SMAP1: variants seen among roughly 807,000 people sequenced by gnomAD.
SMAP1 encodes stromal membrane-associated protein 1.
SMAP1 carries 24 observed loss-of-function variants against 58.5 expected under a neutral mutation model. The ratio of observed to expected loss-of-function variants is 0.41; its 90% CI spans 0.30 to 0.58. The LOEUF is 0.58. SMAP1 is among the 20% of genes least tolerant of loss of function. The probability of loss-of-function intolerance (pLI) is 0.29; values close to 1 mark genes in which losing one functional copy is unlikely to be tolerated. For missense variants in SMAP1, 563 were observed against 566.3 expected, an observed-to-expected ratio of 0.99 and a Z score of 0.06; for synonymous variants, 216 against 196.6, an observed-to-expected ratio of 1.10 and a Z score of -0.82.
chr6:70,780,242 T>C (rs1767707397), intron 4 of SMAP1, among the ~76,000 whole-genome samples: 1 of 152,160 alleles, frequency 6.6e-6, no homozygotes, highest in Non-Finnish European at 1.5e-5. Context: ...TTCTGCCTGA[T>C]TTCATTGAGT....
Position 70,793,644 on chromosome 6 carries a change from T to TAGAGAGAG in SMAP1, c.495+1897_495+1904dup, listed in dbSNP as rs70990334. Among the ~76,000 whole-genome samples the TAGAGAGAG allele has an allele frequency of 1.3e-3, 182 of 140,420 alleles. 2 individuals are homozygous for TAGAGAGAG. The highest frequency in any genetic ancestry group is 2.7e-3 in the African/African-American group (103 of 37,792). The allele number at this position is 140,420 out of a possible 152,430, so 92.1% of individuals were successfully genotyped here. ...GGAAAGAAAAGGGGAGGAGAGTAGT[T>TAGAGAGAG]AGAGAGAGAGAGAGAGAGAGAGAGA... On this transcript the variant is annotated intron_variant, in intron 5 of 10. Transcript: ENST00000370455.
chr6:70,845,858 A>G (rs1214099994), intron 7 of SMAP1, among the ~76,000 whole-genome samples: 2 of 152,206 alleles, frequency 1.3e-5, no homozygotes, highest in South Asian at 2.1e-4. Flanking sequence ...AGACACATTT[A>G]TGATTGAGAG....
chr6:70,733,880 G>C (rs1218678713), intron 2 of SMAP1, among the ~76,000 whole-genome samples: 4 of 152,154 alleles, frequency 2.6e-5, no homozygotes, highest in Non-Finnish European at 5.9e-5. Flanking sequence ...TTGTTGAGAG[G>C]AAATGAATAG....
intron 6 of SMAP1, among the ~76,000 whole-genome samples, chr6:70,815,796 A>C (rs574047101): frequency 6.6e-6 from 1 of 152,064 alleles, no homozygotes; most frequent in Non-Finnish European, 1.5e-5. Context: ...TTATATTTGC[A>C]TATATGTATT....
chr6:70,725,901 A>G (rs866250766), intron 1 of SMAP1, among the ~76,000 whole-genome samples: 6 of 152,218 alleles, frequency 3.9e-5, no homozygotes, highest in Admixed American at 1.3e-4. Context: ...CTCTAAACCT[A>G]TATCATTAGC....
intron 1 of SMAP1, among the ~76,000 whole-genome samples, chr6:70,722,625 G>C (rs905166313): frequency 6.6e-5 from 10 of 152,152 alleles, no homozygotes; most frequent in African/African-American, 2.2e-4. Context: ...CCCAAACAGA[G>C]ATTTATCCAC....
chr6:70,737,262 C>A (rs1765652176), intron 2 of SMAP1, among the ~76,000 whole-genome samples: 1 of 152,210 alleles, frequency 6.6e-6, no homozygotes, highest in Non-Finnish European at 1.5e-5. Flanking sequence ...CTGCCTCAGC[C>A]TCCCAAGTAG....
At chr6:70,738,390 CAG>C (rs748359168) in intron 2 of SMAP1, among the ~76,000 whole-genome samples, 40 of 149,724 alleles carry the variant, frequency 2.7e-4, no homozygotes, top group Non-Finnish European at 3.4e-4. Context: ...ATCTGTAAGA[CAG>C]ATTTTTTTTT....
intron 3 of SMAP1, among the ~76,000 whole-genome samples, chr6:70,766,385 C>T (rs1766987272): frequency 6.6e-6 from 1 of 152,216 alleles, no homozygotes; most frequent in Non-Finnish European, 1.5e-5. Context: ...GTTCCTATTT[C>T]TCCACATCCT....
chr6:70,804,270 C>A (rs181180319), intron 6 of SMAP1, among the ~76,000 whole-genome samples: 1 of 148,662 alleles, frequency 6.7e-6, no homozygotes, highest in Non-Finnish European at 1.5e-5. Context: ...GATCTTTGTT[C>A]GTTTGAAGTC....
intron 1 of SMAP1, among the ~76,000 whole-genome samples, chr6:70,670,733 A>G (rs1581970696): frequency 6.6e-6 from 1 of 152,202 alleles, no homozygotes; most frequent in African/African-American, 2.4e-5. Context: ...TTTCTTTCAA[A>G]GAAGCTTCTT....
In SMAP1 at chr6:70,857,034, A is replaced by G; in HGVS notation, c.961+4A>G. ...ATTCAACAGCAAAGTACTCCTGGTAATGAATTTTGATATCTGCTTTCAGTG... is the reference window on the plus strand; with the variant it reads ...ATTCAACAGCAAAGTACTCCTGGTAGTGAATTTTGATATCTGCTTTCAGTG... On this transcript the variant is annotated splice_donor_region_variant and intron_variant, in intron 9 of 10. Transcript: ENST00000370455. 1 of 1,595,442 alleles carries G rather than the reference A, an allele frequency of 6.3e-7. No homozygotes were observed.
chr6:70,767,933 C>G (rs1416124383), intron 3 of SMAP1, among the ~76,000 whole-genome samples: 25 of 146,038 alleles, frequency 1.7e-4, no homozygotes. Context: ...CCACCAATAC[C>G]TAATTTATTG....
chr6:70,679,832 T>C (rs1766629186), intron 1 of SMAP1, among the ~76,000 whole-genome samples: 1 of 152,204 alleles, frequency 6.6e-6, no homozygotes, highest in South Asian at 2.1e-4. Flanking sequence ...AAATTCAACA[T>C]TATTCCAGTC....
intron 1 of SMAP1, among the ~76,000 whole-genome samples, chr6:70,725,227 C>G (rs112668921): frequency 5.4e-5 from 8 of 148,050 alleles, no homozygotes; most frequent in African/African-American, 2.0e-4. Context: ...CATTATTCTC[C>G]TGCCTCAGTC....
chr6:70,726,874 GGTGTGTGTGTGT>G (rs35977042), intron 1 of SMAP1, among the ~76,000 whole-genome samples: 233 of 144,908 alleles, frequency 1.6e-3, no homozygotes, highest in East Asian at 6.7e-3. Context: ...AAATTTTAGG[GGTGTGTGTGTGT>G]GTGTGTGTGT....
chr6:70,859,885 G>GTAGT (rs1158299120), intron 10 of SMAP1: 1 of 219,498 alleles, frequency 4.6e-6, no homozygotes, highest in Non-Finnish European at 9.0e-6. Flanking sequence ...TTACTCCTTA[G>GTAGT]TAGTTAAAGC....
rs117785728 is a variant in SMAP1 at position 70,846,300 on chromosome 6, T to C, written c.665-6240T>C. On this transcript the variant is annotated intron_variant, in intron 7 of 10. Coordinates refer to ENST00000370455, the MANE Select transcript of SMAP1 (RefSeq NM_001044305.3). The stretch of plus-strand genomic sequence containing the variant: ...TCCCATAACCTGTGTTTGGAAAGCA[T>C]TTCAATTAATCATGTATTGAGTATG... 6.0e-3 allele frequency among the ~76,000 whole-genome samples: 910 copies of C among 152,292 alleles called. 28 individuals carry two copies. In the East Asian group the frequency reaches 0.069, roughly 12 times the overall value.
At chr6:70,714,596 T>C (rs530676332) in intron 1 of SMAP1, among the ~76,000 whole-genome samples, 15 of 152,312 alleles carry the variant, frequency 9.8e-5, no homozygotes, top group African/African-American at 3.4e-4. Flanking sequence ...TTTTAGGTTT[T>C]GTACTGGGAT....
Sources: gnomAD v4.1 joint callset for allele counts (sites outside exome capture counted in the v4.1 genomes callset) on GRCh38, gnomAD v4.1.1 for gene constraint, MANE v1.5 for transcripts, NCBI Gene and HGNC (gene_info 2026-07-23, HGNC 2026-07-21) for gene names.